Variants in CATSPERG observed in about 807,000 individuals in gnomAD.
CATSPERG encodes cation channel sperm-associated auxiliary subunit gamma.
A neutral mutation model predicts 145.0 loss-of-function variants in CATSPERG; 115 were observed. That is an observed-to-expected ratio of 0.79 (90% CI 0.68 to 0.93). CATSPERG has a LOEUF of 0.93. Among genes scored for constraint, CATSPERG ranks in the 40% least tolerant of loss-of-function variants. CATSPERG has a pLI of 0.00. For synonymous variants in CATSPERG, 588 were observed against 589.0 expected, an observed-to-expected ratio of 1.00 and a Z score of 0.02; for missense variants, 1,296 against 1,490.1, an observed-to-expected ratio of 0.87 and a Z score of 2.14.
At chr19:38,338,550 T>C (rs1040303829) in intron 3 of CATSPERG, among the ~76,000 whole-genome samples, 19 of 150,670 alleles carry the variant, frequency 1.3e-4, no homozygotes, top group Admixed American at 6.6e-5. Flanking sequence ...TGAGGCAGGG[T>C]CTCACTCTGT....
rs1468159196 is a variant in CATSPERG, at chr19:38,344,901, A to ATATTTTTTT, written c.669+534_669+535insATTTTTTTT. Among the ~76,000 whole-genome samples, 2 of 80,008 alleles carry ATATTTTTTT rather than the reference A, an allele frequency of 2.5e-5. 1 individual carries two copies. Among genetic ancestry groups the ATATTTTTTT allele is most frequent in the African/African-American group, 9.5e-5 (2 of 20,952 alleles). 52.5% of individuals were successfully genotyped at this position (80,008 alleles called of 152,430 possible). On this transcript the variant is annotated intron_variant, in intron 6 of 28. Transcript: ENST00000409235. ...CACACACATATATATATATATATAT[A>ATATTTTTTT]TTTTTTTTTTTTTTTTTTTTTTTGA... is the stretch of plus-strand genomic sequence containing the variant.
Position 38,370,516 on chromosome 19 carries a change from C to A in CATSPERG, c.3214-10C>A, listed in dbSNP as rs560776186. 3.7e-6 allele frequency: 6 copies of A among 1,614,118 alleles called. No individual in the cohort carries two copies. Among genetic ancestry groups the A allele is most frequent in the Non-Finnish European group, 4.2e-6 (5 of 1,179,960 alleles). On this transcript the variant is annotated splice_polypyrimidine_tract_variant and intron_variant, in intron 28 of 28. Transcript: ENST00000409235. ...GTGCCAACTCCTTACTCATTCTTTGCTCCCTGCAGGTGTCAGCTAGCGTGT... is the reference window on the plus strand; with the variant it reads ...GTGCCAACTCCTTACTCATTCTTTGATCCCTGCAGGTGTCAGCTAGCGTGT...
chr19:38,370,929 A>C lies in CATSPERG; in HGVS notation c.*137A>C. 1.0e-6 allele frequency: 1 copy of C among 979,074 alleles called. No individual in the cohort carries two copies. Among genetic ancestry groups the C allele is most frequent in the Admixed American group, 2.5e-5 (1 of 39,904 alleles). 60.6% of individuals were successfully genotyped at this position (979,074 alleles called of 1,614,324 possible). A position where few individuals can be genotyped will look rare whatever the true frequency, so the allele number is the denominator to read the frequency against. Reference sequence around the variant, plus strand: ...TTACTTCTCGTTCAGACTCAAATAAAGCCTTTTTTCAGGACCAGCAGTGGG... The same window carrying C: ...TTACTTCTCGTTCAGACTCAAATAACGCCTTTTTTCAGGACCAGCAGTGGG... On this transcript the variant is annotated 3_prime_UTR_variant, in exon 29 of 29. Transcript: ENST00000409235.
In CATSPERG at chr19:38,337,873, C is replaced by G. The variant is rs372340907; in HGVS notation, c.324+227C>G. 1.0e-4 allele frequency: 40 copies of G among 398,990 alleles called. 1 individual carries two copies. The East Asian group carries it at 1.8e-3, about 18-fold the overall frequency. The allele number at this position is 398,990 out of a possible 1,614,324, so 24.7% of individuals were successfully genotyped here. A position where few individuals can be genotyped will look rare whatever the true frequency, so the allele number is the denominator to read the frequency against. On this transcript the variant is annotated intron_variant, in intron 3 of 28. Transcript: ENST00000409235. ...AGCTGGAACTACAGGCATGTGACAC[C>G]ACGCCCGGCTAATTTTTGTATTTGG...
chr19:38,354,568 G>A (rs73043029), intron 8 of CATSPERG, 142 bp from the exon 9 acceptor site: 27,352 of 920,782 alleles, frequency 0.03, 478 homozygotes, highest in South Asian at 0.048. Context: ...CCTCTGCCAG[G>A]TGCTCCCTGA....
At chr19:38,346,800 T>TCCTGG (rs915678880) in intron 7 of CATSPERG, among the ~76,000 whole-genome samples, 195 bp downstream of exon 7, 7 of 152,196 alleles carry the variant, frequency 4.6e-5, no homozygotes, top group African/African-American at 1.7e-4. Context: ...TTCTGCCACC[T>TCCTGG]CCTGGCTGCC....
rs773630742 is a variant in CATSPERG at position 38,370,263 on chromosome 19, G to A, written c.3213+5G>A. 1.9e-6 allele frequency: 3 copies of A among 1,612,334 alleles called. No homozygotes were observed. The highest frequency in any genetic ancestry group is 2.5e-6 in the Non-Finnish European group (3 of 1,179,784). The stretch of plus-strand genomic sequence containing the variant: ...CGGGCCCTTTTCATCATCATGGTGA[G>A]TGGCTGTCCGGGAGCTGCCCTACTG... On this transcript the variant is annotated splice_donor_5th_base_variant and intron_variant, in intron 28 of 28. Transcript: ENST00000409235.
At chr19:38,365,816 T>A (rs1299124339) in intron 22 of CATSPERG, 1 of 151,206 alleles carries the variant, frequency 6.6e-6, no homozygotes, top group Non-Finnish European at 1.5e-5. Context: ...CAAGCGATTC[T>A]CCTGCCTCAG....
Position 38,356,335 on chromosome 19 carries a change from A to C in CATSPERG, c.1136-149A>C, listed in dbSNP as rs1970241914. On this transcript the variant is annotated intron_variant, in intron 9 of 28. Coordinates refer to ENST00000409235, the MANE Select transcript of CATSPERG (RefSeq NM_021185.5). ...TGTGACCAAAGACAGACATGCTCTG[A>C]TAGGCCAGGTGTGAGTGACGAAAGG... 3 of 656,478 alleles carry C rather than the reference A, an allele frequency of 4.6e-6. No homozygotes were observed. The South Asian group carries it at 5.4e-5, about 12-fold the overall frequency. 40.7% of individuals were successfully genotyped at this position (656,478 alleles called of 1,614,324 possible). A position where few individuals can be genotyped will look rare whatever the true frequency, so the allele number is the denominator to read the frequency against.
At chr19:38,361,375 G>A (rs534476255) in intron 16 of CATSPERG, among the ~76,000 whole-genome samples, 21 of 152,222 alleles carry the variant, frequency 1.4e-4, no homozygotes, top group African/African-American at 5.1e-4. Flanking sequence ...GGTGGAAGGA[G>A]GAAGCAGGAG....
chr19:38,364,797 C>A, intron 20 of CATSPERG, 94 bp from the exon 21 acceptor site: 2 of 989,736 alleles, frequency 2.0e-6, no homozygotes, highest in Non-Finnish European at 3.2e-6. Context: ...CAGCCACCAC[C>A]TCGCCCCAGC....
At chr19:38,359,363 T>C in intron 13 of CATSPERG, 107 bp from the exon 14 acceptor site, 1 of 685,672 alleles carries the variant, frequency 1.5e-6, no homozygotes, top group South Asian at 1.6e-5. Flanking sequence ...TTCCTTTGCA[T>C]GTTCTTACAA....
At chr19:38,350,718 G>T (rs111496053) in intron 7 of CATSPERG, among the ~76,000 whole-genome samples, 69 of 152,268 alleles carry the variant, frequency 4.5e-4, no homozygotes, top group Admixed American at 1.2e-3. Flanking sequence ...GCTGGGTGTG[G>T]TGGCTCAGGC....
chr19:38,352,481 A>T (rs1264167166), intron 8 of CATSPERG, 49 bp downstream of exon 8: 1 of 1,528,204 alleles, frequency 6.5e-7, no homozygotes. Flanking sequence ...ACCCTGGTGA[A>T]CCCCTCCACT....
intron 7 of CATSPERG, 33 bp downstream of exon 7, chr19:38,346,638 G>T (rs766382677): frequency 6.5e-7 from 1 of 1,527,876 alleles, no homozygotes; most frequent in East Asian, 2.5e-5. Context: ...TGGGCGGGGC[G>T]TCTTGGAGGG....
intron 13 of CATSPERG, among the ~76,000 whole-genome samples, chr19:38,358,998 T>C (rs543098204): frequency 2.0e-5 from 3 of 152,132 alleles, no homozygotes; most frequent in African/African-American, 7.2e-5. Context: ...TACAGCTGCA[T>C]GCCACCATGC....
intron 28 of CATSPERG, 24 bp downstream of exon 28, chr19:38,370,282 C>G: frequency 6.2e-7 from 1 of 1,606,438 alleles, no homozygotes; most frequent in Non-Finnish European, 8.5e-7. Context: ...CGGGAGCTGC[C>G]CTACTGGGTG....
At chr19:38,370,479 G>A (rs1314354336) in intron 28 of CATSPERG, 47 bp from the exon 29 acceptor site, 1 of 1,611,750 alleles carries the variant, frequency 6.2e-7, no homozygotes, top group East Asian at 2.2e-5. Context: ...TGTGGACTGT[G>A]TACCTTATCA....
chr19:38,356,504 A>G lies in CATSPERG; in HGVS notation c.1156A>G (p.Met386Val). The G allele has an allele frequency of 1.2e-6, 2 of 1,613,898 alleles. No individual in the cohort carries two copies. Among genetic ancestry groups the G allele is most frequent in the Non-Finnish European group, 1.7e-6 (2 of 1,179,970 alleles). ...TGCAGATGGCCAGGTGTCCTTTGAG[A>G]TGCTGCCCAGGCAGTGGTCTGTGTG... ...TIRDGQVSFE[M>V]LPRQWSVCEQ... The change falls in exon 10 of 29, where the codon ATG becomes GTG. Residue 386 changes from methionine to valine, a missense_variant. Met to Val is a conservative substitution (Grantham distance 21). Transcript: ENST00000409235.
Sources: gnomAD v4.1 joint callset for allele counts (sites outside exome capture counted in the v4.1 genomes callset) on GRCh38, gnomAD v4.1.1 for gene constraint, MANE v1.5 for transcripts, NCBI Gene and HGNC (gene_info 2026-07-23, HGNC 2026-07-21) for gene names.